The following RMP64 variants were observed in gnomAD, a reference collection of about 807,000 sequenced individuals.
The protein encoded by RMP64 is ribonuclease MRP subunit p64.
chr3:113,019,628 G>A, the RMP64 span: 2 of 1,613,304 alleles, frequency 1.2e-6, no homozygotes, highest in Non-Finnish European at 1.7e-6. Flanking sequence ...CTCCAGGCCC[G>A]GCGGCACCGC....
the RMP64 span, chr3:113,019,407 C>T: frequency 1.5e-6 from 1 of 679,550 alleles, no homozygotes; most frequent in East Asian, 2.7e-5. Flanking sequence ...CCGCTCGACC[C>T]CTACGTGCCC....
the RMP64 span, among the ~76,000 whole-genome samples, chr3:113,007,654 CACAGAAAAGAAA>C: frequency 4.6e-5 from 7 of 151,854 alleles, no homozygotes; most frequent in Non-Finnish European, 8.8e-5. Flanking sequence ...ATATAAAAAT[CACAGAAAAGAAA>C]TATAGATAGA....
At chr3:113,005,576 G>A in the RMP64 span, 3 of 1,613,492 alleles carry the variant, frequency 1.9e-6, no homozygotes, top group South Asian at 2.2e-5. Context: ...AATGTCATCT[G>A]TCTCCTTAAT....
the RMP64 span, chr3:113,019,509 C>T: frequency 7.7e-5 from 120 of 1,554,514 alleles, no homozygotes; most frequent in Admixed American, 1.2e-4. Flanking sequence ...CCCCCGGAAA[C>T]GTTCCCCCAT....
At chr3:113,006,577 G>C in the RMP64 span, among the ~76,000 whole-genome samples, 5 of 152,278 alleles carry the variant, frequency 3.3e-5, no homozygotes, top group African/African-American at 9.6e-5. Context: ...TCAAACAGCT[G>C]ATCATTTTAG....
chr3:113,006,019 G>C, the RMP64 span: 4 of 1,570,220 alleles, frequency 2.5e-6, no homozygotes, highest in Non-Finnish European at 3.5e-6. Context: ...AAAAGACAGA[G>C]AGAGGAAAAA....
chr3:113,014,967 T>C, the RMP64 span: 18 of 152,206 alleles, frequency 1.2e-4, no homozygotes, highest in African/African-American at 3.9e-4. Flanking sequence ...CTGAAAAAGA[T>C]AGGAGCTGAC....
At chr3:113,016,923 G>A in the RMP64 span, among the ~76,000 whole-genome samples, 1 of 152,216 alleles carries the variant, frequency 6.6e-6, no homozygotes, top group Non-Finnish European at 1.5e-5. Context: ...CCCTGAGCTG[G>A]AGGGCCCAAT....
At chr3:113,019,598 A>T in the RMP64 span, 1 of 1,613,858 alleles carries the variant, frequency 6.2e-7, no homozygotes, top group Non-Finnish European at 8.5e-7. Flanking sequence ...CGCCTTAGGG[A>T]TTCTCACACG....
At chr3:113,019,610 T>C in the RMP64 span, 3 of 1,613,654 alleles carry the variant, frequency 1.9e-6, no homozygotes, top group African/African-American at 2.7e-5. Context: ...TCTCACACGG[T>C]TCCACGGCTC....
chr3:113,007,262 A>G, the RMP64 span, among the ~76,000 whole-genome samples: 1 of 152,138 alleles, frequency 6.6e-6, no homozygotes, highest in African/African-American at 2.4e-5. Context: ...CACTTTCCCC[A>G]TAGCTTTTAA....
chr3:113,008,958 C>T, the RMP64 span, among the ~76,000 whole-genome samples: 1 of 152,134 alleles, frequency 6.6e-6, no homozygotes, highest in Non-Finnish European at 1.5e-5. Flanking sequence ...GCTACACCAC[C>T]AGATTATCAC....
chr3:113,013,705 A>G, the RMP64 span, among the ~76,000 whole-genome samples: 26 of 152,320 alleles, frequency 1.7e-4, no homozygotes, highest in Middle Eastern at 3.4e-3. Context: ...GTTAAGCACA[A>G]TAACAGCCCA....
At chr3:113,003,539 T>G in the RMP64 span, 2 of 152,142 alleles carry the variant, frequency 1.3e-5, no homozygotes. Flanking sequence ...TGTGGACACA[T>G]GTGAAGCTTT....
At chr3:113,008,114 TTTACTC>T in the RMP64 span, 2 of 1,519,786 alleles carry the variant, frequency 1.3e-6, no homozygotes, top group East Asian at 2.3e-5. Context: ...CCTGAATACT[TTTACTC>T]ATAACAACAA....
At chr3:113,014,238 A>C in the RMP64 span, 1 of 463,988 alleles carries the variant, frequency 2.2e-6, no homozygotes. Context: ...CCAGCCAAAC[A>C]CATTTTTAAA....
the RMP64 span, among the ~76,000 whole-genome samples, chr3:113,009,094 C>G: frequency 6.6e-6 from 1 of 152,094 alleles, no homozygotes; most frequent in Non-Finnish European, 1.5e-5. Context: ...TCAGTTAATG[C>G]CTGCTGAATA....
the RMP64 span, among the ~76,000 whole-genome samples, chr3:113,006,248 C>T: frequency 1.3e-5 from 2 of 152,140 alleles, no homozygotes; most frequent in East Asian, 1.9e-4. Flanking sequence ...AAAGTACAGC[C>T]GCCTAGCAAT....
At chr3:113,011,521 G>T in the RMP64 span, 1 of 887,258 alleles carries the variant, frequency 1.1e-6, no homozygotes, top group Non-Finnish European at 1.7e-6. Context: ...CTCCAGTACA[G>T]ATAAAAAACA....
Sources: gnomAD v4.1 joint callset for allele counts (sites outside exome capture counted in the v4.1 genomes callset) on GRCh38, gnomAD v4.1.1 for gene constraint, MANE v1.5 for transcripts, NCBI Gene and HGNC (gene_info 2026-07-23, HGNC 2026-07-21) for gene names.